Variants in MPPED1 observed in about 807,000 individuals in gnomAD.
MPPED1 encodes the protein metallophosphoesterase domain-containing protein 1.
A neutral mutation model predicts 36.2 loss-of-function variants in MPPED1; 16 were observed. The observed-to-expected ratio is 0.44, with a 90% CI of 0.30 to 0.67. MPPED1 has a LOEUF of 0.67. Among genes scored for constraint, MPPED1 ranks in the 30% least tolerant of loss-of-function variants. The probability of loss-of-function intolerance (pLI) is 0.10; values close to 1 mark genes in which losing one functional copy is unlikely to be tolerated. For missense variants in MPPED1, 307 were observed against 453.4 expected, an observed-to-expected ratio of 0.68 and a Z score of 2.93; for synonymous variants, 199 against 191.3, an observed-to-expected ratio of 1.04 and a Z score of -0.33.
At chr22:43,455,906 C>G (rs1373216735) in intron 3 of MPPED1, among the ~76,000 whole-genome samples, 1 of 152,178 alleles carries the variant, frequency 6.6e-6, no homozygotes, top group Non-Finnish European at 1.5e-5. Flanking sequence ...AGAAATGTAT[C>G]CTTTCACTGC....
chr22:43,468,048 A>C (rs571282599), intron 3 of MPPED1, among the ~76,000 whole-genome samples: 1 of 152,338 alleles, frequency 6.6e-6, no homozygotes, highest in Non-Finnish European at 1.5e-5. Flanking sequence ...CACTTGTTGC[A>C]ATGTGGAATC....
At chr22:43,448,081 G>T (rs1930426936) in intron 3 of MPPED1, among the ~76,000 whole-genome samples, 7 of 151,736 alleles carry the variant, frequency 4.6e-5, no homozygotes, top group Admixed American at 4.6e-4. Context: ...TAGAGGCAGG[G>T]TTTCACCATG....
chr22:43,501,725 G>A (rs1377014062), intron 5 of MPPED1, among the ~76,000 whole-genome samples: 1 of 152,184 alleles, frequency 6.6e-6, no homozygotes, highest in Admixed American at 6.5e-5. Flanking sequence ...AGGTCACACA[G>A]CCAGTAGGCA....
chr22:43,502,860 A>C lies in MPPED1; in HGVS notation c.862+103A>C. 1.0e-6 allele frequency: 1 copy of C among 959,868 alleles called. No homozygotes were observed. Among genetic ancestry groups the C allele is most frequent in the Admixed American group, 2.0e-5 (1 of 49,346 alleles). The allele number at this position is 959,868 out of a possible 1,614,324, so 59.5% of individuals were successfully genotyped here. ...CAGCCAGAAGGGAAATAAATAGCCC[A>C]TTCCTACTGTTCGCTTTGTAACTGC... On this transcript the variant is annotated intron_variant, in intron 6 of 6. Coordinates refer to ENST00000443721, the MANE Select transcript of MPPED1 (RefSeq NM_001044370.2). The surrounding 1 kb of genome is among the most constrained non-coding windows in gnomAD (Gnocchi z 5.5).
In MPPED1 at chr22:43,424,182, C is replaced by T. The variant is rs112216724; in HGVS notation, c.-78-726C>T. Among the ~76,000 whole-genome samples, 232 of 152,226 alleles carry T rather than the reference C, an allele frequency of 1.5e-3. 2 individuals are homozygous for T. The highest frequency in any genetic ancestry group is 5.2e-3 in the African/African-American group (216 of 41,500). ...AAGATTGACGGGGCACATTAGGGTTCCCGAGATCCTTACGAGAGAGATGGT... is the reference window on the plus strand; with the variant it reads ...AAGATTGACGGGGCACATTAGGGTTTCCGAGATCCTTACGAGAGAGATGGT... On this transcript the variant is annotated intron_variant, in intron 1 of 6. Coordinates refer to ENST00000443721, the MANE Select transcript of MPPED1 (RefSeq NM_001044370.2).
chr22:43,448,778 T>C (rs1021169365), intron 3 of MPPED1, among the ~76,000 whole-genome samples: 1 of 152,022 alleles, frequency 6.6e-6, no homozygotes, highest in Admixed American at 6.6e-5. Flanking sequence ...AATTTTTGTA[T>C]TTTTAGTAGG....
chr22:43,417,872 G>A, intron 1 of MPPED1: 1 of 363,186 alleles, frequency 2.8e-6, no homozygotes, highest in Admixed American at 3.6e-5. Context: ...GGCCCCAAGA[G>A]GAGACGGAGC....
At chr22:43,428,976 C>T (rs1173841028) in intron 2 of MPPED1, among the ~76,000 whole-genome samples, 3 of 152,108 alleles carry the variant, frequency 2.0e-5, no homozygotes, top group African/African-American at 4.8e-5. Context: ...GGCCATGGCA[C>T]CAGGCACAGC....
intron 3 of MPPED1, among the ~76,000 whole-genome samples, chr22:43,438,970 T>C (rs575684441): frequency 1.9e-4 from 29 of 152,344 alleles, no homozygotes; most frequent in Admixed American, 5.9e-4. Flanking sequence ...CCTTCCCTGT[T>C]CATTGATCTC....
intron 3 of MPPED1, among the ~76,000 whole-genome samples, chr22:43,442,168 G>T (rs1930170662): frequency 6.6e-6 from 1 of 151,874 alleles, no homozygotes; most frequent in Non-Finnish European, 1.5e-5. Flanking sequence ...TCTTCTACTT[G>T]GGGGTGCGGA....
chr22:43,487,434 A>AG (rs1180237070), intron 4 of MPPED1, among the ~76,000 whole-genome samples: 1 of 152,222 alleles, frequency 6.6e-6, no homozygotes, highest in Non-Finnish European at 1.5e-5. Flanking sequence ...ATGACCTGGA[A>AG]GGTGGGCAGG....
chr22:43,440,114 TGCTGACCCC>T (rs1930098397), intron 3 of MPPED1, among the ~76,000 whole-genome samples: 1 of 152,214 alleles, frequency 6.6e-6, no homozygotes, highest in African/African-American at 2.4e-5. Flanking sequence ...GTGAGTGGCA[TGCTGACCCC>T]GCTGACGCAG....
At chr22:43,497,929 G>GTATATATATA (rs746068497) in intron 4 of MPPED1, among the ~76,000 whole-genome samples, 1,119 of 48,662 alleles carry the variant, frequency 0.023, 64 homozygotes, top group African/African-American at 0.056. Flanking sequence ...ATATATATAT[G>GTATATATATA]TATATGTATA....
chr22:43,500,296 T>A (rs868727919), intron 5 of MPPED1, among the ~76,000 whole-genome samples: 2 of 135,516 alleles, frequency 1.5e-5, no homozygotes, highest in Non-Finnish European at 3.2e-5. Flanking sequence ...ATGGGGGTGG[T>A]GGTGGTGATG....
chr22:43,442,582 G>T, intron 3 of MPPED1, among the ~76,000 whole-genome samples: 1 of 152,190 alleles, frequency 6.6e-6, no homozygotes, highest in Middle Eastern at 3.2e-3. Flanking sequence ...TGGGACTGGA[G>T]TCTTCCTGGG....
intron 2 of MPPED1, among the ~76,000 whole-genome samples, chr22:43,427,774 G>A (rs1157130919): frequency 6.6e-6 from 1 of 152,026 alleles, no homozygotes; most frequent in Admixed American, 6.6e-5. Flanking sequence ...CAGGTCGAGG[G>A]ACCACATGTT....
chr22:43,487,627 G>T (rs771060182), intron 4 of MPPED1, among the ~76,000 whole-genome samples: 1 of 152,178 alleles, frequency 6.6e-6, no homozygotes, highest in Admixed American at 6.5e-5. Flanking sequence ...AACTGGCAAG[G>T]GTCAGGGAGC....
intron 3 of MPPED1, among the ~76,000 whole-genome samples, chr22:43,467,596 C>A (rs1045013632): frequency 1.3e-5 from 2 of 152,168 alleles, no homozygotes; most frequent in South Asian, 4.2e-4. Context: ...CTAGACCATG[C>A]GCCATACCGA....
chr22:43,502,538 G>A lies in MPPED1; in HGVS notation c.749-106G>A, dbSNP rs73887329. 1,188 of 841,902 alleles carry A rather than the reference G, an allele frequency of 1.4e-3. 6 individuals carry two copies. The highest frequency in any genetic ancestry group is 0.013 in the African/African-American group (770 of 59,594). The allele number at this position is 841,902 out of a possible 1,614,324, so 52.2% of individuals were successfully genotyped here. On this transcript the variant is annotated intron_variant, in intron 5 of 6. Coordinates refer to ENST00000443721, the MANE Select transcript of MPPED1 (RefSeq NM_001044370.2). This position sits in a 1 kb window ranked among gnomAD's most constrained non-coding sequence, Gnocchi z 5.5. ...GGAGAGTGGTGCAAAGCCGGAGTCC[G>A]GAAGCCCCATGCCTTCTCCAGGCTG...
Sources: gnomAD v4.1 joint callset for allele counts (sites outside exome capture counted in the v4.1 genomes callset) on GRCh38, gnomAD v4.1.1 for gene constraint, Gnocchi (gnomAD v3.1) non-coding constraint, MANE v1.5 for transcripts, NCBI Gene and HGNC (gene_info 2026-07-23, HGNC 2026-07-21) for gene names.